The following OXTR variants were observed in gnomAD, a reference collection of about 807,000 sequenced individuals.
OXTR encodes oxytocin receptor.
Under a neutral mutation model 23.9 loss-of-function variants are expected in OXTR, and 19 were observed. The observed-to-expected ratio is 0.80, with a 90% CI of 0.56 to 1.17. The LOEUF is 1.17. OXTR is among the 50% of genes most tolerant of loss of function. OXTR has a pLI of 0.00. For synonymous variants in OXTR, 278 were observed against 250.5 expected (o/e 1.11, Z -1.04); for missense variants, 500 against 550.7 (o/e 0.91, Z 0.92).
Position 8,752,892 on chromosome 3 carries a change from C to T in OXTR, c.*85G>A. 7.1e-7 allele frequency: 1 copy of T among 1,411,258 alleles called. No homozygotes were observed. Among genetic ancestry groups the T allele is most frequent in the Admixed American group, 2.4e-5 (1 of 41,226 alleles). The allele number at this position is 1,411,258 out of a possible 1,614,324, so 87.4% of individuals were successfully genotyped here. ...TACAAACTGATAGGTACCTTATACA[C>T]AAACATACGCCATCACCTAGGAGCA... On this transcript the variant is annotated 3_prime_UTR_variant, in exon 4 of 4. Transcript: ENST00000316793.
chr3:8,766,078 T>C (rs535062798), intron 3 of OXTR, among the ~76,000 whole-genome samples: 22 of 152,256 alleles, frequency 1.4e-4, no homozygotes, highest in African/African-American at 4.8e-4. Flanking sequence ...GTGTCTGGAG[T>C]GCAGAAAGGG....
Position 8,752,780 on chromosome 3 carries a change from G to T in OXTR, c.*197C>A. On this transcript the variant is annotated 3_prime_UTR_variant, in exon 4 of 4. Transcript: ENST00000316793. Reference sequence around the variant, plus strand: ...GTAGAAGTACGTGTAGGAGGCCAGGGTGTTGTCTGATGGCTGAGTCCCCTA... The same window carrying T: ...GTAGAAGTACGTGTAGGAGGCCAGGTTGTTGTCTGATGGCTGAGTCCCCTA... 1 of 602,220 alleles carries T rather than the reference G, an allele frequency of 1.7e-6. No homozygotes were observed. The highest frequency in any genetic ancestry group is 2.8e-5 in the East Asian group (1 of 35,746). 37.3% of individuals were successfully genotyped at this position (602,220 alleles called of 1,614,324 possible). A position where few individuals can be genotyped will look rare whatever the true frequency, so the allele number is the denominator to read the frequency against.
the OXTR span, among the ~76,000 whole-genome samples, chr3:8,743,426 CAAG>C: frequency 2.0e-5 from 3 of 152,232 alleles, no homozygotes; most frequent in Admixed American, 6.5e-5. Flanking sequence ...GGAAGCCCTC[CAAG>C]AAGAAGTAAC....
intron 3 of OXTR, among the ~76,000 whole-genome samples, chr3:8,766,681 C>T (rs867024445): frequency 2.0e-5 from 3 of 152,194 alleles, no homozygotes; most frequent in African/African-American, 7.2e-5. Context: ...TTCACCTCTC[C>T]CTTGGACTCC....
intron 3 of OXTR, among the ~76,000 whole-genome samples, chr3:8,754,086 A>G (rs1708325713): frequency 6.6e-6 from 1 of 152,214 alleles, no homozygotes; most frequent in African/African-American, 2.4e-5. Context: ...GCCTAAGAGC[A>G]CTGCTTCAGC....
In OXTR at chr3:8,768,336, C is replaced by G; in HGVS notation, c.-142-7G>C. The G allele has an allele frequency of 1.7e-6, 2 of 1,181,928 alleles. No homozygotes were observed. The highest frequency in any genetic ancestry group is 6.9e-5 in the East Asian group (2 of 28,986). 73.2% of individuals were successfully genotyped at this position (1,181,928 alleles called of 1,614,324 possible). A position where few individuals can be genotyped will look rare whatever the true frequency, so the allele number is the denominator to read the frequency against. On this transcript the variant is annotated splice_region_variant and splice_polypyrimidine_tract_variant and intron_variant, in intron 2 of 3. Transcript: ENST00000316793. This position sits in a 1 kb window ranked among gnomAD's most constrained non-coding sequence, Gnocchi z 5.4. Reference sequence around the variant, plus strand: ...CGGATCTGCTGGGTCCACCCTGAAACAAACCGGGAGGGCCGTGAGGAGACC... The same window carrying G: ...CGGATCTGCTGGGTCCACCCTGAAAGAAACCGGGAGGGCCGTGAGGAGACC...
Position 8,753,067 on chromosome 3 carries a change from C to T in OXTR, c.1080G>A (p.Thr360=), listed in dbSNP as rs757230261. The change falls in exon 4 of 4, where the codon ACG becomes ACA. Residue 360 remains threonine (T), a synonymous_variant. Transcript: ENST00000316793. ...SYLKGRRLGE[T]SASKKSNSSS... The stretch of plus-strand genomic sequence containing the variant: ...ACGAGTTGCTCTTTTTGCTGGCACT[C>T]GTCTCTCCCAGGCGTCTGCCCTTCA... 7.4e-6 allele frequency: 12 copies of T among 1,614,092 alleles called. No individual in the cohort carries two copies. The highest frequency in any genetic ancestry group is 1.1e-5 in the South Asian group (1 of 91,074).
intron 3 of OXTR, among the ~76,000 whole-genome samples, chr3:8,758,576 T>C (rs1046085100): frequency 6.6e-6 from 1 of 152,156 alleles, no homozygotes; most frequent in Non-Finnish European, 1.5e-5. Context: ...AATGTATGCT[T>C]ATAGAAAGAT....
At chr3:8,762,529 C>T (rs1226650584) in intron 3 of OXTR, among the ~76,000 whole-genome samples, 1 of 152,174 alleles carries the variant, frequency 6.6e-6, no homozygotes. Flanking sequence ...TCTTCATGGC[C>T]CAGAGTGAAT....
At chr3:8,765,749 G>A (rs1449541465) in intron 3 of OXTR, among the ~76,000 whole-genome samples, 1 of 152,168 alleles carries the variant, frequency 6.6e-6, no homozygotes, top group Non-Finnish European at 1.5e-5. Flanking sequence ...GGAAACGTCA[G>A]CTGTGCCTCT....
rs1447452309 is a variant in OXTR at position 8,768,386 on chromosome 3, T to A, written c.-142-57A>T. 2 of 850,768 alleles carry A rather than the reference T, an allele frequency of 2.4e-6. No individual in the cohort carries two copies. Among genetic ancestry groups the A allele is most frequent in the Non-Finnish European group, 3.1e-6 (2 of 649,264 alleles). The allele number at this position is 850,768 out of a possible 1,614,324, so 52.7% of individuals were successfully genotyped here. A position where few individuals can be genotyped will look rare whatever the true frequency, so the allele number is the denominator to read the frequency against. ...CGCCGCGTTTCTCTTCCGACGCGGG[T>A]AGGGCGTGCTTGTCCCATTCCCAGG... On this transcript the variant is annotated intron_variant, in intron 2 of 3. Transcript: ENST00000316793. The surrounding 1 kb of genome is among the most constrained non-coding windows in gnomAD (Gnocchi z 5.4).
chr3:8,741,962 C>T, the OXTR span, among the ~76,000 whole-genome samples: 2 of 152,192 alleles, frequency 1.3e-5, no homozygotes, highest in Non-Finnish European at 2.9e-5. Flanking sequence ...CCTTCCTCAC[C>T]CTCCAGCCCC....
intron 3 of OXTR, among the ~76,000 whole-genome samples, chr3:8,756,204 A>G (rs915606907): frequency 2.0e-5 from 3 of 152,238 alleles, no homozygotes; most frequent in African/African-American, 7.2e-5. Flanking sequence ...AGAAAAAAGC[A>G]TGGAAAATAT....
rs564963621 is a variant in OXTR, at chr3:8,755,539, G to C, written c.923-2315C>G. Among the ~76,000 whole-genome samples, 14 of 152,326 alleles carry C rather than the reference G, an allele frequency of 9.2e-5. 1 individual carries two copies. The highest frequency in any genetic ancestry group is 6.2e-4 in the South Asian group (3 of 4,824). ...AACATCAACAACAAAGAAGAAAATA[G>C]TTAATGAATTCCTAAGTAGCCACCA... On this transcript the variant is annotated intron_variant, in intron 3 of 3. Transcript: ENST00000316793.
At chr3:8,744,590 G>A in the OXTR span, among the ~76,000 whole-genome samples, 1 of 151,586 alleles carries the variant, frequency 6.6e-6, no homozygotes, top group Non-Finnish European at 1.5e-5. Flanking sequence ...CAAGACAGCT[G>A]AGGCTTAGTG....
In OXTR at chr3:8,767,642, G is replaced by A. The variant is rs1284782583; in HGVS notation, c.546C>T (p.Asp182=). The part of the protein sequence containing the change: ...VHIFSLREVA[D]GVFDCWAVFI... ...AGACGGCCCAGCAGTCGAAGACGCC[G>A]TCAGCCACCTCGCGCAGAGAGAAGA... The change falls in exon 3 of 4, where the codon GAC becomes GAT. Residue 182 remains aspartate (D), a synonymous_variant. Transcript: ENST00000316793. 3 of 1,612,898 alleles carry A rather than the reference G, an allele frequency of 1.9e-6. No homozygotes were observed. The highest frequency in any genetic ancestry group is 3.3e-5 in the Admixed American group (2 of 59,968).
Position 8,756,750 on chromosome 3 carries a change from C to T in OXTR, c.923-3526G>A, listed in dbSNP as rs374619258. On this transcript the variant is annotated intron_variant, in intron 3 of 3. Transcript: ENST00000316793. ...TGCCTTTGGCCAAAAGGAGCTGCCA[C>T]CACACCCAATGACTGCTTAGTGCAA... Among the ~76,000 whole-genome samples, 275 of 152,350 alleles carry T rather than the reference C, an allele frequency of 1.8e-3. 2 individuals carry two copies. Among genetic ancestry groups the T allele is most frequent in the Non-Finnish European group, 3.5e-3 (236 of 68,038 alleles).
At position 8,752,085 on chromosome 3, in the gene OXTR, T is replaced by C. The variant is rs1277485400; in HGVS notation, c.*892A>G. The stretch of plus-strand genomic sequence containing the variant: ...GCACTTGTTTTGTTAAGTTGATTCC[T>C]ATTTTATTCTTTCTGATGGTATTAT... On this transcript the variant is annotated 3_prime_UTR_variant, in exon 4 of 4. Coordinates refer to ENST00000316793, the MANE Select transcript of OXTR (RefSeq NM_000916.4). 2 of 152,246 alleles carry C rather than the reference T, an allele frequency of 1.3e-5. No individual in the cohort carries two copies. Among genetic ancestry groups the C allele is most frequent in the East Asian group, 3.8e-4 (2 of 5,208 alleles). The allele number at this position is 152,246 out of a possible 1,614,324, so 9.4% of individuals were successfully genotyped here. A position where few individuals can be genotyped will look rare whatever the true frequency, so the allele number is the denominator to read the frequency against.
At chr3:8,762,785 G>A (rs1708517086) in intron 3 of OXTR, among the ~76,000 whole-genome samples, 1 of 152,220 alleles carries the variant, frequency 6.6e-6, no homozygotes, top group Admixed American at 6.5e-5. Context: ...CTTCCTCCCA[G>A]TCCAACGCTC....
Sources: gnomAD v4.1 joint callset for allele counts (sites outside exome capture counted in the v4.1 genomes callset) on GRCh38, gnomAD v4.1.1 for gene constraint, Gnocchi (gnomAD v3.1) non-coding constraint, MANE v1.5 for transcripts, NCBI Gene and HGNC (gene_info 2026-07-23, HGNC 2026-07-21) for gene names.